YAP1: variants seen among roughly 807,000 people sequenced by gnomAD.
The protein encoded by YAP1 is Yes1 associated transcriptional regulator, also known as transcriptional coactivator YAP1.
Under a neutral mutation model 56.9 loss-of-function variants are expected in YAP1, and 5 were observed. That is an observed-to-expected ratio of 0.09 (90% CI 0.05 to 0.18). The LOEUF is 0.18. YAP1 is among the 10% of genes least tolerant of loss of function. The pLI, the probability that YAP1 is intolerant of heterozygous loss-of-function variation, is 1.00. For missense variants in YAP1, 539 were observed against 651.8 expected (o/e 0.83, Z 1.88); for synonymous variants, 265 against 248.1 (o/e 1.07, Z -0.64).
intron 3 of YAP1, among the ~76,000 whole-genome samples, chr11:102,167,611 G>A (rs557864451): frequency 2.0e-5 from 3 of 152,186 alleles, no homozygotes; most frequent in Non-Finnish European, 4.4e-5. Context: ...GTGCACGCCT[G>A]TAGTCTCAGT....
intron 4 of YAP1, among the ~76,000 whole-genome samples, chr11:102,197,615 G>A (rs1948636584): frequency 2.0e-5 from 3 of 152,130 alleles, no homozygotes; most frequent in Admixed American, 2.0e-4. Flanking sequence ...AGCTGTCAGG[G>A]CTGATTTGTT....
intron 3 of YAP1, among the ~76,000 whole-genome samples, chr11:102,178,377 T>C (rs1947389534): frequency 6.6e-6 from 1 of 152,140 alleles, no homozygotes; most frequent in African/African-American, 2.4e-5. Context: ...TCCCAAATTG[T>C]GGGGCAGGTG....
chr11:102,140,877 T>C (rs1001655279), intron 2 of YAP1, among the ~76,000 whole-genome samples: 1 of 152,154 alleles, frequency 6.6e-6, no homozygotes, highest in Non-Finnish European at 1.5e-5. Context: ...CCCTACGTTC[T>C]CTTGGGTTTC....
chr11:102,196,626 C>CTT (rs1221884329), intron 4 of YAP1, among the ~76,000 whole-genome samples: 37 of 126,266 alleles, frequency 2.9e-4, no homozygotes, highest in African/African-American at 9.0e-4. Context: ...GTTTTTGTGA[C>CTT]TTTTTTTTTT....
chr11:102,215,698 C>T lies in YAP1; in HGVS notation c.1032+6134C>T, dbSNP rs185877032. ...TTCACCATGTTGGTCAGGCTGGTCT[C>T]GAACTCCTGACCTCAGGTGATCCAC... is the stretch of plus-strand genomic sequence containing the variant. On this transcript the variant is annotated intron_variant, in intron 6 of 8. Coordinates refer to ENST00000282441, the MANE Select transcript of YAP1 (RefSeq NM_001130145.3). 2.6e-5 allele frequency among the ~76,000 whole-genome samples: 4 copies of T among 152,238 alleles called. 1 individual carries two copies. Among genetic ancestry groups the T allele is most frequent in the African/African-American group, 7.2e-5 (3 of 41,568 alleles).
chr11:102,221,711 A>G (rs1200921385), intron 6 of YAP1, among the ~76,000 whole-genome samples: 3 of 151,968 alleles, frequency 2.0e-5, no homozygotes, highest in Admixed American at 2.0e-4. Flanking sequence ...TGACAGAGTG[A>G]GACCCTGTCT....
chr11:102,162,672 T>C, intron 3 of YAP1, 101 bp downstream of exon 3: 1 of 1,123,756 alleles, frequency 8.9e-7, no homozygotes, highest in Non-Finnish European at 1.3e-6. Context: ...AACTGGGACA[T>C]GGTGATGTTT....
chr11:102,136,863 C>A (rs199801286), intron 2 of YAP1, among the ~76,000 whole-genome samples: 1 of 152,116 alleles, frequency 6.6e-6, no homozygotes, highest in Admixed American at 6.6e-5. Flanking sequence ...TGTTGTCTGT[C>A]GCTGTGTCAG....
At chr11:102,159,762 A>G (rs1274967591) in intron 2 of YAP1, among the ~76,000 whole-genome samples, 2 of 152,096 alleles carry the variant, frequency 1.3e-5, no homozygotes, top group African/African-American at 4.8e-5. Context: ...TGCCCACACA[A>G]TCCAGATTGT....
At chr11:102,212,335 A>G (rs1261782124) in intron 6 of YAP1, among the ~76,000 whole-genome samples, 1 of 152,196 alleles carries the variant, frequency 6.6e-6, no homozygotes, top group Non-Finnish European at 1.5e-5. Flanking sequence ...GATTTAACAT[A>G]TCATGTGGCT....
chr11:102,200,760 T>G (rs189392007), intron 4 of YAP1, among the ~76,000 whole-genome samples: 2 of 152,102 alleles, frequency 1.3e-5, no homozygotes, highest in African/African-American at 4.8e-5. Context: ...TAAGTTCTTA[T>G]GAAAAACAAG....
chr11:102,214,849 A>AT (rs1472852546), intron 6 of YAP1, among the ~76,000 whole-genome samples: 2 of 152,174 alleles, frequency 1.3e-5, no homozygotes, highest in Non-Finnish European at 2.9e-5. Context: ...AAAAGGCCTA[A>AT]TTCCAGAAGT....
Position 102,233,381 on chromosome 11 carries a change from T to C in YAP1, c.*3441T>C, listed in dbSNP as rs894705872. The C allele has an allele frequency of 6.6e-6, 1 of 152,156 alleles. No homozygotes were observed. Among genetic ancestry groups the C allele is most frequent in the Admixed American group, 6.6e-5 (1 of 15,210 alleles). The allele number at this position is 152,156 out of a possible 1,614,324, so 9.4% of individuals were successfully genotyped here. On this transcript the variant is annotated 3_prime_UTR_variant, in exon 9 of 9. Transcript: ENST00000282441. ...TATTTTTTCTTATGTAATACCTTTT[T>C]GTTTGTTTATGTGGTTCAAATATAT...
rs1199463437 is a variant in YAP1, at chr11:102,232,604, T to C, written c.*2664T>C. 6.6e-6 allele frequency: 1 copy of C among 152,606 alleles called. No homozygotes were observed. The highest frequency in any genetic ancestry group is 1.5e-5 in the Non-Finnish European group (1 of 68,060). The allele number at this position is 152,606 out of a possible 1,614,324, so 9.5% of individuals were successfully genotyped here. ...AGTTTGAATCATAGCCTTGATGTGG[T>C]CTCTTGTTTTATGTCCTTGTTCCTA... On this transcript the variant is annotated 3_prime_UTR_variant, in exon 9 of 9. Coordinates refer to ENST00000282441, the MANE Select transcript of YAP1 (RefSeq NM_001130145.3).
chr11:102,151,461 T>G (rs746776750), intron 2 of YAP1, among the ~76,000 whole-genome samples: 53 of 152,356 alleles, frequency 3.5e-4, no homozygotes, highest in Non-Finnish European at 6.0e-4. Context: ...TCTGTATCAC[T>G]AGGTTGTACC....
At chr11:102,140,820 G>T (rs1565450115) in intron 2 of YAP1, among the ~76,000 whole-genome samples, 1 of 151,888 alleles carries the variant, frequency 6.6e-6, no homozygotes, top group Non-Finnish European at 1.5e-5. Flanking sequence ...TCCAGCGTGG[G>T]CAATAGAGTG....
At chr11:102,218,209 T>C in intron 6 of YAP1, among the ~76,000 whole-genome samples, 1 of 152,284 alleles carries the variant, frequency 6.6e-6, no homozygotes, top group East Asian at 1.9e-4. Flanking sequence ...ATAATCTGCA[T>C]ATATGTTATT....
At chr11:102,123,403 C>T (rs973863770) in intron 2 of YAP1, among the ~76,000 whole-genome samples, 9 of 152,022 alleles carry the variant, frequency 5.9e-5, no homozygotes, top group Admixed American at 3.9e-4. Context: ...GTTTCTGAAT[C>T]ACTCTTATGG....
intron 6 of YAP1, among the ~76,000 whole-genome samples, chr11:102,213,802 G>A (rs1457858347): frequency 6.6e-6 from 1 of 152,226 alleles, no homozygotes; most frequent in Non-Finnish European, 1.5e-5. Flanking sequence ...TTGAGGCAGG[G>A]CACAGTGGCT....
Sources: allele counts gnomAD v4.1 joint callset (sites outside exome capture counted in the v4.1 genomes callset), GRCh38; gene constraint gnomAD v4.1.1; transcripts MANE v1.5; gene names NCBI Gene and HGNC (gene_info 2026-07-23, HGNC 2026-07-21).